Variants in NPSR1 observed in about 807,000 individuals in gnomAD.
The protein encoded by NPSR1 is neuropeptide S receptor 1, also known as neuropeptide S receptor.
NPSR1 carries 48 observed loss-of-function variants against 46.9 expected under a neutral mutation model. The ratio of observed to expected loss-of-function variants is 1.02; its 90% CI spans 0.81 to 1.30. The LOEUF (loss-of-function observed/expected upper bound fraction) is 1.30. Ranked by LOEUF, NPSR1 falls within the 50% of genes most tolerant of loss-of-function variation. NPSR1 has a pLI of 0.00. For missense variants in NPSR1, 450 were observed against 449.5 expected (o/e 1.00, Z -0.01); for synonymous variants, 176 against 168.1 (o/e 1.05, Z -0.36).
chr7:34,866,980 G>A (rs1163656188), intron 8 of NPSR1, among the ~76,000 whole-genome samples: 1 of 151,632 alleles, frequency 6.6e-6, no homozygotes, highest in Non-Finnish European at 1.5e-5. Flanking sequence ...ACTAAAGCCA[G>A]GCCTCAGTGT....
At chr7:34,737,796 T>A (rs1441223728) in intron 2 of NPSR1, among the ~76,000 whole-genome samples, 2 of 152,296 alleles carry the variant, frequency 1.3e-5, no homozygotes, top group South Asian at 2.1e-4. Flanking sequence ...AATGCTTGGA[T>A]CTTCTTCTGT....
intron 2 of NPSR1, among the ~76,000 whole-genome samples, chr7:34,754,954 T>C (rs186117883): frequency 8.9e-4 from 132 of 147,688 alleles, no homozygotes; most frequent in Non-Finnish European, 1.5e-3. Context: ...GTAGCACGTA[T>C]CCATATTTCA....
At chr7:34,782,964 G>C (rs1438996117) in intron 3 of NPSR1, among the ~76,000 whole-genome samples, 1 of 151,892 alleles carries the variant, frequency 6.6e-6, no homozygotes, top group East Asian at 1.9e-4. Flanking sequence ...AGAAATTCTG[G>C]AGCTAAAAAA....
At chr7:34,759,152 T>C (rs1205044041) in intron 2 of NPSR1, among the ~76,000 whole-genome samples, 1 of 152,202 alleles carries the variant, frequency 6.6e-6, no homozygotes, top group East Asian at 1.9e-4. Context: ...GTAAAGATAC[T>C]ATTTTTCCTT....
intron 2 of NPSR1, among the ~76,000 whole-genome samples, chr7:34,727,559 A>G (rs969824811): frequency 6.6e-6 from 1 of 152,220 alleles, no homozygotes; most frequent in Admixed American, 6.5e-5. Flanking sequence ...AACCACCACA[A>G]TATCTTGTTC....
intron 8 of NPSR1, among the ~76,000 whole-genome samples, chr7:34,858,465 A>G (rs1410514858): frequency 6.6e-6 from 1 of 151,892 alleles, no homozygotes; most frequent in Non-Finnish European, 1.5e-5. Flanking sequence ...TCTCATTTAT[A>G]TGAAATTCAA....
chr7:34,751,905 C>G, intron 2 of NPSR1: 2 of 1,475,262 alleles, frequency 1.4e-6, no homozygotes, highest in Non-Finnish European at 1.9e-6. Context: ...GACCGTCTCC[C>G]GCAGTCACTC....
chr7:34,671,271 C>A (rs141139523), intron 1 of NPSR1, among the ~76,000 whole-genome samples: 4 of 152,212 alleles, frequency 2.6e-5, no homozygotes, highest in African/African-American at 9.6e-5. Flanking sequence ...GTAAGAAATT[C>A]TCTCTGAAAG....
At chr7:34,834,223 T>G (rs1001198809) in intron 5 of NPSR1, 161 bp from the exon 6 acceptor site, 7 of 620,160 alleles carry the variant, frequency 1.1e-5, no homozygotes, top group Middle Eastern at 4.2e-4. Context: ...CATGGTCACT[T>G]TCAGTTGCAA....
chr7:34,713,327 T>C (rs552007797), intron 2 of NPSR1, among the ~76,000 whole-genome samples: 104 of 152,274 alleles, frequency 6.8e-4, no homozygotes, highest in Admixed American at 1.3e-3. Flanking sequence ...CACAGTCCTG[T>C]GATGTAGGAG....
chr7:34,841,340 G>A (rs575349354), intron 6 of NPSR1, among the ~76,000 whole-genome samples: 1 of 152,212 alleles, frequency 6.6e-6, no homozygotes, highest in Non-Finnish European at 1.5e-5. Flanking sequence ...GAGGCCTGTG[G>A]TCTTGGGAAG....
chr7:34,868,410 C>T (rs1437601307), intron 8 of NPSR1, among the ~76,000 whole-genome samples: 1 of 151,672 alleles, frequency 6.6e-6, no homozygotes, highest in Admixed American at 6.6e-5. Flanking sequence ...TTGGGAATTA[C>T]AGCATTCCTG....
intron 1 of NPSR1, among the ~76,000 whole-genome samples, chr7:34,678,303 C>T (rs995402070): frequency 6.8e-6 from 1 of 147,952 alleles, no homozygotes; most frequent in Non-Finnish European, 1.5e-5. Flanking sequence ...CTCACTGCAA[C>T]CTCCGCCTCC....
intron 6 of NPSR1, among the ~76,000 whole-genome samples, chr7:34,841,370 C>T (rs1562768058): frequency 6.6e-6 from 1 of 152,176 alleles, no homozygotes; most frequent in Non-Finnish European, 1.5e-5. Flanking sequence ...CAGAAATGGC[C>T]ATTTGGAGAC....
At position 34,794,316 on chromosome 7, in the gene NPSR1, A is replaced by G. The variant is rs558670198; in HGVS notation, c.384+15751A>G. ...CATTACACAATATATACACATATCA[A>G]AACATCATATCGTACCACATAAATA... On this transcript the variant is annotated intron_variant, in intron 3 of 8. Coordinates refer to ENST00000360581, the MANE Select transcript of NPSR1 (RefSeq NM_207172.2). Among the ~76,000 whole-genome samples the G allele has an allele frequency of 5.3e-5, 8 of 152,280 alleles. No homozygotes were observed. In the East Asian group the frequency reaches 1.5e-3, roughly 29 times the overall value.
chr7:34,840,300 AGTG>A (rs774162518), intron 6 of NPSR1, among the ~76,000 whole-genome samples: 1 of 152,182 alleles, frequency 6.6e-6, no homozygotes, highest in Non-Finnish European at 1.5e-5. Context: ...AGGCACAACG[AGTG>A]CCTTAAGGTC....
chr7:34,757,509 A>C (rs1409082655), intron 2 of NPSR1, among the ~76,000 whole-genome samples: 1 of 152,196 alleles, frequency 6.6e-6, no homozygotes, highest in Non-Finnish European at 1.5e-5. Context: ...CTTTTTGGGA[A>C]AGGTGAGTGC....
At position 34,792,516 on chromosome 7, in the gene NPSR1, C is replaced by CAT. The variant is rs1197631566; in HGVS notation, c.384+13962_384+13963dup. Among the ~76,000 whole-genome samples the CAT allele has an allele frequency of 4.9e-3, 708 of 143,708 alleles. 8 individuals carry two copies. The highest frequency in any genetic ancestry group is 0.017 in the African/African-American group (647 of 39,036). The allele number at this position is 143,708 out of a possible 152,430, so 94.3% of individuals were successfully genotyped here. ...CTCTACAAAAACACACACACACACA[C>CAT]ATATATATATATGTACATATATACA... On this transcript the variant is annotated intron_variant, in intron 3 of 8. Transcript: ENST00000360581.
chr7:34,830,093 G>A (rs534668719), intron 5 of NPSR1, among the ~76,000 whole-genome samples: 2 of 152,220 alleles, frequency 1.3e-5, no homozygotes, highest in African/African-American at 4.8e-5. Context: ...CAGGCCCTGG[G>A]GGGGCGAGTT....
Sources: gnomAD v4.1 joint callset for allele counts (sites outside exome capture counted in the v4.1 genomes callset) on GRCh38, gnomAD v4.1.1 for gene constraint, MANE v1.5 for transcripts, NCBI Gene and HGNC (gene_info 2026-07-23, HGNC 2026-07-21) for gene names.